Variants in RAD51B observed in about 807,000 individuals in gnomAD.
RAD51B encodes DNA repair protein RAD51 homolog 2.
RAD51B carries 38 observed loss-of-function variants against 42.2 expected under a neutral mutation model. The ratio of observed to expected loss-of-function variants is 0.90; its 90% CI spans 0.70 to 1.18. The LOEUF is 1.18. Ranked by LOEUF, RAD51B falls within the 50% of genes most tolerant of loss-of-function variation. The pLI, the probability that RAD51B is intolerant of heterozygous loss-of-function variation, is 0.00. For synonymous variants in RAD51B, 154 were observed against 145.2 expected (o/e 1.06, Z -0.43); for missense variants, 373 against 400.7 (o/e 0.93, Z 0.59).
chr14:67,952,184 A>G (rs1039333975), intron 7 of RAD51B, among the ~76,000 whole-genome samples: 1 of 151,374 alleles, frequency 6.6e-6, no homozygotes, highest in Non-Finnish European at 1.5e-5. Context: ...CACAAACCAT[A>G]TGTAGAAAAT....
intron 8 of RAD51B, among the ~76,000 whole-genome samples, chr14:68,375,476 C>A (rs1461358906): frequency 6.6e-6 from 1 of 152,198 alleles, no homozygotes; most frequent in Non-Finnish European, 1.5e-5. Context: ...CTCCAATATG[C>A]TTTCTCAGGG....
At chr14:68,337,719 C>T (rs2139824354) in intron 8 of RAD51B, among the ~76,000 whole-genome samples, 1 of 152,296 alleles carries the variant, frequency 6.6e-6, no homozygotes, top group South Asian at 2.1e-4. Flanking sequence ...CATTCTGATG[C>T]TCAACCTGAA....
intron 7 of RAD51B, among the ~76,000 whole-genome samples, chr14:67,895,102 G>A (rs150336518): frequency 6.6e-6 from 1 of 152,276 alleles, no homozygotes; most frequent in African/African-American, 2.4e-5. Flanking sequence ...TAGAAAGTCA[G>A]TGCTCTTTTG....
chr14:68,600,745 T>C (rs1208990335), downstream of RAD51B, among the ~76,000 whole-genome samples: 1 of 152,120 alleles, frequency 6.6e-6, no homozygotes, highest in East Asian at 1.9e-4. Context: ...TGCTCAAAAA[T>C]GTCAATTAAT....
At chr14:68,202,976 C>T (rs2079520141) in intron 7 of RAD51B, among the ~76,000 whole-genome samples, 1 of 152,074 alleles carries the variant, frequency 6.6e-6, no homozygotes, top group Admixed American at 6.5e-5. Context: ...TTACTATTTC[C>T]TTCACATCTG....
chr14:68,241,459 A>G (rs957879229), intron 7 of RAD51B, among the ~76,000 whole-genome samples: 2 of 152,066 alleles, frequency 1.3e-5, no homozygotes, highest in South Asian at 4.2e-4. Flanking sequence ...GGAGAGTGGC[A>G]TGAACCCAGG....
chr14:68,635,619 T>C (rs1892325160), intron 10 of RAD51B, among the ~76,000 whole-genome samples: 1 of 152,162 alleles, frequency 6.6e-6, no homozygotes, highest in Admixed American at 6.5e-5. Context: ...TTTAACTTGT[T>C]ACCAATATAA....
At chr14:68,403,204 C>A (rs1459792135) in intron 8 of RAD51B, among the ~76,000 whole-genome samples, 1 of 152,132 alleles carries the variant, frequency 6.6e-6, no homozygotes, top group Non-Finnish European at 1.5e-5. Flanking sequence ...AATGGGCTTT[C>A]ATCTGCAGGG....
At chr14:68,208,342 A>G (rs1373084666) in intron 7 of RAD51B, among the ~76,000 whole-genome samples, 1 of 152,132 alleles carries the variant, frequency 6.6e-6, no homozygotes, top group African/African-American at 2.4e-5. Flanking sequence ...AAAAGCAATG[A>G]CCCAGCCTGT....
At chr14:67,829,500 C>T (rs2040957715) in intron 3 of RAD51B, among the ~76,000 whole-genome samples, 1 of 152,122 alleles carries the variant, frequency 6.6e-6, no homozygotes, top group Non-Finnish European at 1.5e-5. Context: ...CCTCGGCCTC[C>T]CAAAGTGCTG....
intron 9 of RAD51B, among the ~76,000 whole-genome samples, chr14:68,433,408 T>C (rs2085064633): frequency 6.6e-6 from 1 of 152,198 alleles, no homozygotes; most frequent in Non-Finnish European, 1.5e-5. Context: ...TTTGGTCTTT[T>C]CACATAGTCC....
rs148825738 is a variant in RAD51B, at chr14:68,245,536, T to C, written c.757-46348T>C. On this transcript the variant is annotated intron_variant, in intron 7 of 10. Transcript: ENST00000471583. Reference sequence around the variant, plus strand: ...TGCCTCAAATATTTGGTTCAAATTATGCAACATAAGTTACCTTATATCTCT... The same window carrying C: ...TGCCTCAAATATTTGGTTCAAATTACGCAACATAAGTTACCTTATATCTCT... 7.2e-5 allele frequency among the ~76,000 whole-genome samples: 11 copies of C among 152,378 alleles called. No individual in the cohort carries two copies. The East Asian group carries it at 2.1e-3, about 29-fold the overall frequency.
Position 67,823,548 on chromosome 14 carries a change from G to A in RAD51B, c.5G>A (p.Gly2Asp), listed in dbSNP as rs891298862. 2 of 1,613,586 alleles carry A rather than the reference G, an allele frequency of 1.2e-6. No individual in the cohort carries two copies. The highest frequency in any genetic ancestry group is 1.3e-5 in the African/African-American group (1 of 75,006). Residue 2 changes from glycine (G) to aspartate (D), a missense_variant, in exon 2 of 11, where the codon GGT becomes GAT. Physicochemically the swap from Gly to Asp is moderately conservative, Grantham distance 94 (BLOSUM62 -1). Transcript: ENST00000471583. M[G>D]SKKLKRVGLS... ...TTCTTTGCTGGATCTGGAGGCATGG[G>A]TAGCAAGAAACTAAAACGAGTGGGT...
chr14:68,348,792 A>G (rs35338922), intron 8 of RAD51B, among the ~76,000 whole-genome samples: 126,652 of 151,906 alleles, frequency 0.83, 53,037 homozygotes, highest in East Asian at 0.99. Flanking sequence ...CCAGCTGCTC[A>G]GGAGGCTGAG....
chr14:68,533,190 A>G (rs927023670), intron 10 of RAD51B, among the ~76,000 whole-genome samples: 6 of 152,208 alleles, frequency 3.9e-5, no homozygotes, highest in African/African-American at 1.4e-4. Flanking sequence ...ATTATTATAA[A>G]TAATAAGAGA....
At chr14:67,986,655 C>A (rs2075198913) in intron 7 of RAD51B, among the ~76,000 whole-genome samples, 1 of 152,184 alleles carries the variant, frequency 6.6e-6, no homozygotes, top group Admixed American at 6.5e-5. Flanking sequence ...AGTAAAAGAT[C>A]TCTTATTATC....
At chr14:67,967,547 T>C (rs561143319) in intron 7 of RAD51B, among the ~76,000 whole-genome samples, 1 of 152,176 alleles carries the variant, frequency 6.6e-6, no homozygotes, top group Admixed American at 6.5e-5. Context: ...ATGGGAGAAA[T>C]TGGCTAAAAC....
chr14:68,052,745 A>G (rs748351637), intron 7 of RAD51B, among the ~76,000 whole-genome samples: 2 of 150,552 alleles, frequency 1.3e-5, no homozygotes, highest in Non-Finnish European at 1.5e-5. Context: ...CTCAGCCTCC[A>G]GAGTAGCTGG....
At chr14:68,149,060 T>A (rs1382666433) in intron 7 of RAD51B, among the ~76,000 whole-genome samples, 1 of 152,182 alleles carries the variant, frequency 6.6e-6, no homozygotes, top group Non-Finnish European at 1.5e-5. Context: ...TAAAATCAGA[T>A]TGTTTGTTTT....
Sources: gnomAD v4.1 joint callset for allele counts (sites outside exome capture counted in the v4.1 genomes callset) on GRCh38, gnomAD v4.1.1 for gene constraint, MANE v1.5 for transcripts, NCBI Gene and HGNC (gene_info 2026-07-23, HGNC 2026-07-21) for gene names.